EDEM3: variants seen among roughly 807,000 people sequenced by gnomAD.
The protein encoded by EDEM3 is ER degradation-enhancing alpha-mannosidase-like protein 3.
In EDEM3, 60 loss-of-function variants were observed where a neutral mutation model predicts 110.2. The ratio of observed to expected loss-of-function variants is 0.54; its 90% CI spans 0.44 to 0.67. EDEM3 has a LOEUF of 0.67. Ranked by LOEUF, EDEM3 falls within the 30% of genes least tolerant of loss-of-function variation. The pLI, the probability that EDEM3 is intolerant of heterozygous loss-of-function variation, is 0.00. For synonymous variants in EDEM3, 352 were observed against 382.9 expected, an observed-to-expected ratio of 0.92 and a Z score of 0.94; for missense variants, 996 against 1,121.0, an observed-to-expected ratio of 0.89 and a Z score of 1.59.
intron 1 of EDEM3, among the ~76,000 whole-genome samples, chr1:184,752,302 T>C (rs1432590128): frequency 1.3e-5 from 2 of 152,092 alleles, no homozygotes; most frequent in Non-Finnish European, 2.9e-5. Flanking sequence ...AACTATTTGG[T>C]TTGTTGGTGG....
chr1:184,701,526 T>G, intron 19 of EDEM3: 1 of 1,282,810 alleles, frequency 7.8e-7, no homozygotes, highest in African/African-American at 1.5e-5. Flanking sequence ...TGGAATCATT[T>G]TACCTTTTAA....
chr1:184,714,649 G>A (rs1006620658), intron 13 of EDEM3, among the ~76,000 whole-genome samples: 24 of 151,958 alleles, frequency 1.6e-4, no homozygotes, highest in African/African-American at 5.6e-4. Flanking sequence ...TAACAGTTTG[G>A]ATGAAAAAAA....
At position 184,690,958 on chromosome 1, in the gene EDEM3, C is replaced by T. The variant is rs1039435633; in HGVS notation, c.*3105G>A. 2.1e-5 allele frequency: 3 copies of T among 141,134 alleles called. No individual in the cohort carries two copies. The highest frequency in any genetic ancestry group is 7.5e-5 in the African/African-American group (3 of 40,156). The allele number at this position is 141,134 out of a possible 1,614,324, so 8.7% of individuals were successfully genotyped here. A position where few individuals can be genotyped will look rare whatever the true frequency, so the allele number is the denominator to read the frequency against. On this transcript the variant is annotated 3_prime_UTR_variant, in exon 20 of 20. Transcript: ENST00000318130. ...TTTGGCATGGGGTTTGGTGAGAGAA[C>T]AAATGTTGGCTTTACTATAAAAAAG...
At chr1:184,717,482 A>C in intron 12 of EDEM3, 58 bp downstream of exon 12, 3 of 1,383,134 alleles carry the variant, frequency 2.2e-6, no homozygotes, top group Non-Finnish European at 3.0e-6. Context: ...TGAAAGAATG[A>C]GAGATCCAAC....
At chr1:184,733,563 C>CTCA (rs1651649434) in intron 5 of EDEM3, among the ~76,000 whole-genome samples, 2 of 152,228 alleles carry the variant, frequency 1.3e-5, no homozygotes, top group African/African-American at 4.8e-5. Context: ...GGCGCAGTGG[C>CTCA]TCACGCCTAT....
chr1:184,730,424 A>T (rs554368328), intron 6 of EDEM3, among the ~76,000 whole-genome samples: 7 of 151,946 alleles, frequency 4.6e-5, no homozygotes, highest in South Asian at 4.2e-4. Flanking sequence ...CTCTACAAAA[A>T]TTTTTTTTAA....
intron 18 of EDEM3, among the ~76,000 whole-genome samples, chr1:184,703,936 A>G (rs1205577038): frequency 2.6e-5 from 4 of 152,198 alleles, no homozygotes; most frequent in Non-Finnish European, 5.9e-5. Flanking sequence ...AGGAACAAAG[A>G]GAGAGAAGGC....
intron 13 of EDEM3, among the ~76,000 whole-genome samples, chr1:184,715,805 T>C (rs1188725245): frequency 6.6e-6 from 1 of 152,214 alleles, no homozygotes; most frequent in Admixed American, 6.5e-5. Context: ...AGGTATCTGC[T>C]TTTATTTCTT....
chr1:184,724,805 A>G (rs1020919885), intron 7 of EDEM3, among the ~76,000 whole-genome samples: 1 of 152,230 alleles, frequency 6.6e-6, no homozygotes, highest in Non-Finnish European at 1.5e-5. Flanking sequence ...CTAAGAAAAC[A>G]GGCCTAGTGA....
chr1:184,733,056 G>T, intron 5 of EDEM3, 66 bp from the exon 6 acceptor site: 1 of 1,496,136 alleles, frequency 6.7e-7, no homozygotes, highest in Non-Finnish European at 9.0e-7. Context: ...ATCTAAAAAG[G>T]TGTGGGTACT....
intron 2 of EDEM3, among the ~76,000 whole-genome samples, chr1:184,745,458 G>C (rs1239909654): frequency 1.3e-5 from 2 of 152,054 alleles, no homozygotes; most frequent in Admixed American, 1.3e-4. Context: ...TTCAGATTGG[G>C]AAGATGAAAA....
At chr1:184,707,397 C>G (rs1469096168) in intron 17 of EDEM3, among the ~76,000 whole-genome samples, 1 of 152,126 alleles carries the variant, frequency 6.6e-6, no homozygotes, top group Non-Finnish European at 1.5e-5. Flanking sequence ...AATGTAAATT[C>G]CATAAGGGCA....
intron 15 of EDEM3, among the ~76,000 whole-genome samples, chr1:184,711,377 G>C (rs1377417897): frequency 6.6e-6 from 1 of 152,148 alleles, no homozygotes; most frequent in Non-Finnish European, 1.5e-5. Flanking sequence ...TCAGATTACA[G>C]GCGTGAGCTA....
chr1:184,738,262 G>T (rs193284556), intron 2 of EDEM3, among the ~76,000 whole-genome samples: 1 of 152,208 alleles, frequency 6.6e-6, no homozygotes, highest in East Asian at 1.9e-4. Flanking sequence ...ACAATGCTCT[G>T]AAGTAGATTC....
At chr1:184,705,120 T>C (rs1329441780) in intron 18 of EDEM3, among the ~76,000 whole-genome samples, 1 of 151,996 alleles carries the variant, frequency 6.6e-6, no homozygotes, top group African/African-American at 2.4e-5. Flanking sequence ...TAGAAGATCA[T>C]GAGAATTAGA....
rs1022092208 is a variant in EDEM3 at position 184,754,750 on chromosome 1, G to A, written c.-104C>T. On this transcript the variant is annotated 5_prime_UTR_variant, in exon 1 of 20. Coordinates refer to ENST00000318130, the MANE Select transcript of EDEM3 (RefSeq NM_025191.4). ...TGCTAGCCGTGCCGAGACGGGGCGGGATGCGGAGTAACACGGACGGCCGCC... is the reference window on the plus strand; with the variant it reads ...TGCTAGCCGTGCCGAGACGGGGCGGAATGCGGAGTAACACGGACGGCCGCC... 3 of 1,412,610 alleles carry A rather than the reference G, an allele frequency of 2.1e-6. No individual in the cohort carries two copies. Among genetic ancestry groups the A allele is most frequent in the Non-Finnish European group, 2.8e-6 (3 of 1,089,152 alleles). The allele number at this position is 1,412,610 out of a possible 1,614,324, so 87.5% of individuals were successfully genotyped here. A position where few individuals can be genotyped will look rare whatever the true frequency, so the allele number is the denominator to read the frequency against.
intron 15 of EDEM3, among the ~76,000 whole-genome samples, chr1:184,711,193 G>A (rs112185285): frequency 0.011 from 1,629 of 152,134 alleles, 9 homozygotes; most frequent in Non-Finnish European, 0.017. Context: ...CCACCTCCTG[G>A]GTTCAAGCGA....
intron 11 of EDEM3, among the ~76,000 whole-genome samples, chr1:184,718,890 A>C (rs1227966779): frequency 6.6e-6 from 1 of 152,164 alleles, no homozygotes; most frequent in Non-Finnish European, 1.5e-5. Flanking sequence ...AGTTGAGAAG[A>C]ACTAAGCTGG....
chr1:184,719,103 C>CGTGTGT, intron 11 of EDEM3, 59 bp downstream of exon 11: 1 of 861,398 alleles, frequency 1.2e-6, no homozygotes, highest in Non-Finnish European at 1.8e-6. Flanking sequence ...TATATGTGTA[C>CGTGTGT]GTGTGTGTGT....
Sources: allele counts gnomAD v4.1 joint callset (sites outside exome capture counted in the v4.1 genomes callset), GRCh38; gene constraint gnomAD v4.1.1; transcripts MANE v1.5; gene names NCBI Gene and HGNC (gene_info 2026-07-23, HGNC 2026-07-21).